The following ZFHX3 variants were observed in gnomAD, a reference collection of about 807,000 sequenced individuals.
ZFHX3 encodes the protein zinc finger homeobox protein 3.
Under a neutral mutation model 279.1 loss-of-function variants are expected in ZFHX3, and 42 were observed. The observed-to-expected ratio is 0.15, with a 90% CI of 0.12 to 0.19. The LOEUF (loss-of-function observed/expected upper bound fraction) is 0.19, where lower values mean the gene tolerates loss of function less well. Ranked by LOEUF, ZFHX3 falls within the 10% of genes least tolerant of loss-of-function variation. The probability of loss-of-function intolerance (pLI) is 1.00; values close to 1 mark genes in which losing one functional copy is unlikely to be tolerated. For synonymous variants in ZFHX3, 2,293 were observed against 1,957.8 expected (o/e 1.17, Z -4.52); for missense variants, 4,981 against 4,754.0 (o/e 1.05, Z -1.40).
Position 73,574,349 on chromosome 16 carries a change from C to CG in ZFHX3, c.-1547+105830_-1547+105831insC, listed in dbSNP as rs1347157837. 4.6e-5 allele frequency among the ~76,000 whole-genome samples: 7 copies of CG among 152,186 alleles called. 1 individual carries two copies. Among genetic ancestry groups the CG allele is most frequent in the East Asian group, 3.9e-4 (2 of 5,174 alleles). Reference sequence around the variant, plus strand: ...AAATTTTGTATCATTTCTTGGGCCCCCCCCAGCATCCACTGAATCAGAGCC... The same window carrying CG: ...AAATTTTGTATCATTTCTTGGGCCCCGCCCCAGCATCCACTGAATCAGAGCC... On this transcript the variant is annotated intron_variant, in intron 2 of 17. Transcript: ENST00000641206.
Position 73,699,085 on chromosome 16 carries a change from A to G in ZFHX3, c.-1607-18845T>C, listed in dbSNP as rs534929097. Among the ~76,000 whole-genome samples, 14 of 152,266 alleles carry G rather than the reference A, an allele frequency of 9.2e-5. No homozygotes were observed. In the East Asian group the frequency reaches 1.2e-3, roughly 13 times the overall value. ...TTTTTAGTAGAGACAAGGTTTCACC[A>G]CGTTGACCAGGATGGTCTCAGTCTC... On this transcript the variant is annotated intron_variant, in intron 1 of 17. Transcript: ENST00000641206.
chr16:73,184,577 C>CA (rs1449263249), intron 5 of ZFHX3, among the ~76,000 whole-genome samples: 2 of 152,134 alleles, frequency 1.3e-5, no homozygotes, highest in Non-Finnish European at 2.9e-5. Context: ...GGTGGAGAGT[C>CA]AAAATCTCGA....
chr16:73,105,465 C>CTTT (rs1966292060), intron 7 of ZFHX3, among the ~76,000 whole-genome samples: 4 of 86,054 alleles, frequency 4.6e-5, no homozygotes, highest in African/African-American at 1.8e-4. Flanking sequence ...ATATTTTTTC[C>CTTT]CCCAGGCCAG....
rs554586386 is a variant in ZFHX3 at position 73,881,556 on chromosome 16, G to C, written c.-1608+10095C>G. ...GGAGTCCAAAGAGAAAGTGTCTATAGCTTCACTGTTCCATTTTTATCTGTT... is the reference window on the plus strand; with the variant it reads ...GGAGTCCAAAGAGAAAGTGTCTATACCTTCACTGTTCCATTTTTATCTGTT... On this transcript the variant is annotated intron_variant, in intron 1 of 17. Coordinates refer to the ZFHX3 transcript ENST00000641206. 6.5e-5 allele frequency among the ~76,000 whole-genome samples: 9 copies of C among 138,488 alleles called. No individual in the cohort carries two copies. The East Asian group carries it at 1.9e-3, about 30-fold the overall frequency. 90.9% of individuals were successfully genotyped at this position (138,488 alleles called of 152,430 possible). A position where few individuals can be genotyped will look rare whatever the true frequency, so the allele number is the denominator to read the frequency against.
intron 1 of ZFHX3, among the ~76,000 whole-genome samples, chr16:73,761,012 G>C (rs1018169050): frequency 1.7e-4 from 26 of 149,438 alleles, no homozygotes; most frequent in Middle Eastern, 3.4e-3. Flanking sequence ...AAAAAAAAAG[G>C]GTATTAAAAG....
intron 1 of ZFHX3, among the ~76,000 whole-genome samples, chr16:73,784,759 A>T (rs1185649697): frequency 1.4e-5 from 2 of 140,780 alleles, no homozygotes; most frequent in African/African-American, 5.7e-5. Context: ...AATTAAAAAA[A>T]TTTTTAAAAA....
At chr16:73,741,642 C>G (rs968833175) in intron 1 of ZFHX3, among the ~76,000 whole-genome samples, 1 of 152,188 alleles carries the variant, frequency 6.6e-6, no homozygotes, top group Non-Finnish European at 1.5e-5. Context: ...GACCACTGAG[C>G]CTCATCAAGT....
chr16:73,627,819 G>C (rs1323220793), intron 2 of ZFHX3, among the ~76,000 whole-genome samples: 1 of 152,182 alleles, frequency 6.6e-6, no homozygotes, highest in Non-Finnish European at 1.5e-5. Flanking sequence ...TCAGGAGGCT[G>C]AGGCAGGAGA....
At chr16:72,952,472 T>C (rs1340106305) in intron 2 of ZFHX3, among the ~76,000 whole-genome samples, 1 of 152,168 alleles carries the variant, frequency 6.6e-6, no homozygotes, top group Non-Finnish European at 1.5e-5. Flanking sequence ...GCACCATAGC[T>C]GGGATCCCCA....
intron 1 of ZFHX3, among the ~76,000 whole-genome samples, chr16:73,702,994 G>C (rs192097804): frequency 6.6e-6 from 1 of 152,270 alleles, no homozygotes; most frequent in Non-Finnish European, 1.5e-5. Flanking sequence ...CGATGATAGC[G>C]ATGGTGGTGA....
chr16:73,006,750 T>C (rs1461353677), intron 1 of ZFHX3, among the ~76,000 whole-genome samples: 1 of 152,158 alleles, frequency 6.6e-6, no homozygotes, highest in Non-Finnish European at 1.5e-5. Flanking sequence ...GACAGACAGC[T>C]GTCCCTTGCT....
chr16:72,992,954 T>C (rs1038155091), intron 1 of ZFHX3, among the ~76,000 whole-genome samples: 2 of 152,130 alleles, frequency 1.3e-5, no homozygotes, highest in Non-Finnish European at 1.5e-5. Flanking sequence ...CTGGCCAACA[T>C]GGTGAGACCC....
chr16:72,931,404 TACACACACAC>T (rs59696404), intron 3 of ZFHX3, among the ~76,000 whole-genome samples: 16,754 of 119,938 alleles, frequency 0.14, 1,174 homozygotes, highest in South Asian at 0.25. Flanking sequence ...TTTATTTCAT[TACACACACAC>T]ACACACACAC....
At chr16:73,586,988 T>C (rs894115182) in intron 2 of ZFHX3, among the ~76,000 whole-genome samples, 3 of 152,218 alleles carry the variant, frequency 2.0e-5, no homozygotes, top group African/African-American at 7.2e-5. Flanking sequence ...CAAAGAATGC[T>C]GAATACTTTT....
Position 72,812,103 on chromosome 16 carries a change from T to C in ZFHX3, c.3530-65A>G, listed in dbSNP as rs1011282961. The C allele has an allele frequency of 3.6e-5, 56 of 1,558,810 alleles. No homozygotes were observed. In the African/African-American group the frequency reaches 5.4e-4, roughly 15 times the overall value. Reference sequence around the variant, plus strand: ...CAGGCCAGCTCCCAGAGGGTTTGTGTTGGGTGAAAATCAACATTCATTTAT... The same window carrying C: ...CAGGCCAGCTCCCAGAGGGTTTGTGCTGGGTGAAAATCAACATTCATTTAT... On this transcript the variant is annotated intron_variant, in intron 5 of 9. Coordinates refer to ENST00000268489, the MANE Select transcript of ZFHX3 (RefSeq NM_006885.4).
chr16:73,238,239 T>A (rs1244161463), intron 5 of ZFHX3, among the ~76,000 whole-genome samples: 1 of 152,204 alleles, frequency 6.6e-6, no homozygotes, highest in Non-Finnish European at 1.5e-5. Context: ...GTAAACACTT[T>A]GTTTTGTGTA....
chr16:73,202,854 C>G (rs1265358262), intron 5 of ZFHX3, among the ~76,000 whole-genome samples: 1 of 151,926 alleles, frequency 6.6e-6, no homozygotes, highest in Non-Finnish European at 1.5e-5. Flanking sequence ...CCCCAGCCCT[C>G]CTGCACACTC....
chr16:73,163,191 C>T (rs1222740083), intron 5 of ZFHX3, among the ~76,000 whole-genome samples: 1 of 152,182 alleles, frequency 6.6e-6, no homozygotes, highest in East Asian at 1.9e-4. Context: ...ATACAATTGT[C>T]CCATGAGACA....
chr16:72,921,902 C>A (rs74592429), intron 3 of ZFHX3, among the ~76,000 whole-genome samples: 1 of 152,214 alleles, frequency 6.6e-6, no homozygotes, highest in African/African-American at 2.4e-5. Flanking sequence ...AATGGCCACA[C>A]GCACAGATGC....
Sources: allele counts gnomAD v4.1 joint callset (sites outside exome capture counted in the v4.1 genomes callset), GRCh38; gene constraint gnomAD v4.1.1; transcripts MANE v1.5; gene names NCBI Gene and HGNC (gene_info 2026-07-23, HGNC 2026-07-21).